The following DCC variants were observed in gnomAD, a reference collection of about 807,000 sequenced individuals.
DCC encodes netrin receptor DCC.
Under a neutral mutation model 172.5 loss-of-function variants are expected in DCC, and 58 were observed. The observed-to-expected ratio is 0.34, with a 90% CI of 0.27 to 0.42. DCC has a LOEUF of 0.42. Among genes scored for constraint, DCC ranks in the 10% least tolerant of loss-of-function variants. DCC has a pLI of 1.00. For missense variants in DCC, 1,740 were observed against 1,791.0 expected (o/e 0.97, Z 0.51); for synonymous variants, 709 against 644.5 (o/e 1.10, Z -1.52).
chr18:53,279,429 T>G (rs897914632), intron 12 of DCC, among the ~76,000 whole-genome samples: 42 of 139,886 alleles, frequency 3.0e-4, no homozygotes, highest in Non-Finnish European at 3.0e-5. Context: ...TTTTCACTCA[T>G]AGGTGGGAAT....
At chr18:53,061,448 C>T (rs2042493635) in intron 5 of DCC, among the ~76,000 whole-genome samples, 1 of 152,058 alleles carries the variant, frequency 6.6e-6, no homozygotes, top group Non-Finnish European at 1.5e-5. Context: ...TTTTGAAAAA[C>T]TCTAATGTAG....
At chr18:52,622,545 G>A (rs994199373) in intron 1 of DCC, among the ~76,000 whole-genome samples, 6 of 152,092 alleles carry the variant, frequency 3.9e-5, no homozygotes, top group African/African-American at 1.4e-4. Flanking sequence ...CAGCCCAGGG[G>A]TTCATTCAGG....
chr18:53,427,854 T>A lies in DCC; in HGVS notation c.3164-7290T>A, dbSNP rs1340718978. On this transcript the variant is annotated intron_variant, in intron 21 of 28. Transcript: ENST00000442544. Reference sequence around the variant, plus strand: ...ATGATATATAATATATATATTTCTTTTTATATATAATATATAAATATATAC... The same window carrying A: ...ATGATATATAATATATATATTTCTTATTATATATAATATATAAATATATAC... Among the ~76,000 whole-genome samples the A allele has an allele frequency of 4.4e-5, 4 of 91,358 alleles. No homozygotes were observed. The East Asian group carries it at 1.3e-3, about 30-fold the overall frequency. The allele number at this position is 91,358 out of a possible 152,430, so 59.9% of individuals were successfully genotyped here.
chr18:53,288,985 G>A (rs2056967091), intron 12 of DCC, among the ~76,000 whole-genome samples: 1 of 152,034 alleles, frequency 6.6e-6, no homozygotes. Context: ...TCTGGATTTG[G>A]CAAATACTAG....
intron 5 of DCC, among the ~76,000 whole-genome samples, chr18:52,959,160 A>G (rs879532897): frequency 3.3e-5 from 5 of 152,108 alleles, no homozygotes; most frequent in African/African-American, 7.2e-5. Context: ...GGAAGAAACT[A>G]TAATTGTAAA....
At chr18:52,382,522 G>C (rs1336496611) in intron 1 of DCC, among the ~76,000 whole-genome samples, 2 of 152,118 alleles carry the variant, frequency 1.3e-5, no homozygotes, top group Non-Finnish European at 2.9e-5. Context: ...GATAAGACTG[G>C]AGTCAGAGAG....
At chr18:52,377,326 C>T (rs1201555347) in intron 1 of DCC, among the ~76,000 whole-genome samples, 3 of 152,138 alleles carry the variant, frequency 2.0e-5, no homozygotes, top group Non-Finnish European at 4.4e-5. Flanking sequence ...TGGTCTTTTT[C>T]TAATGGTGAC....
At chr18:52,393,471 A>G (rs1202282179) in intron 1 of DCC, among the ~76,000 whole-genome samples, 1 of 152,010 alleles carries the variant, frequency 6.6e-6, no homozygotes, top group African/African-American at 2.4e-5. Context: ...TTTAATCTCT[A>G]TATTATTTAT....
intron 7 of DCC, among the ~76,000 whole-genome samples, chr18:53,078,727 T>G (rs144844850): frequency 0.018 from 2,713 of 152,310 alleles, 37 homozygotes; most frequent in Middle Eastern, 0.034. Context: ...TGTTATTTTG[T>G]GTTGACAAAT....
chr18:52,519,915 G>A (rs567317451), intron 1 of DCC, among the ~76,000 whole-genome samples: 3 of 152,170 alleles, frequency 2.0e-5, no homozygotes, highest in Non-Finnish European at 4.4e-5. Context: ...GGAGGACAGG[G>A]AGGAAACTGC....
chr18:52,953,094 T>A (rs569343311), intron 5 of DCC, among the ~76,000 whole-genome samples: 19 of 151,978 alleles, frequency 1.3e-4, no homozygotes, highest in South Asian at 8.3e-4. Flanking sequence ...TTTTATCTGT[T>A]GTGAAGTCAA....
intron 15 of DCC, among the ~76,000 whole-genome samples, chr18:53,384,644 T>C (rs1338266349): frequency 6.6e-6 from 1 of 152,146 alleles, no homozygotes; most frequent in African/African-American, 2.4e-5. Context: ...ATTTCTGAGT[T>C]TTCTGATTTA....
Position 53,203,098 on chromosome 18 carries a change from A to G in DCC, c.1574-2118A>G, listed in dbSNP as rs555482874. Reference sequence around the variant, plus strand: ...ATTAAATTCACTGAAGTTGAGAACTATACTATTCATATACACATTTATTTT... The same window carrying G: ...ATTAAATTCACTGAAGTTGAGAACTGTACTATTCATATACACATTTATTTT... On this transcript the variant is annotated intron_variant, in intron 9 of 28. Transcript: ENST00000442544. Among the ~76,000 whole-genome samples, 84 of 152,140 alleles carry G rather than the reference A, an allele frequency of 5.5e-4. 1 individual carries two copies. The highest frequency in any genetic ancestry group is 5.8e-4 in the East Asian group (3 of 5,188).
chr18:53,207,416 A>C (rs2055670295), intron 10 of DCC, among the ~76,000 whole-genome samples: 1 of 152,190 alleles, frequency 6.6e-6, no homozygotes, highest in African/African-American at 2.4e-5. Flanking sequence ...GAATAACCCA[A>C]ACCATTCAGT....
chr18:53,496,912 A>C (rs998666842), intron 26 of DCC, among the ~76,000 whole-genome samples: 1 of 130,582 alleles, frequency 7.7e-6, no homozygotes, highest in African/African-American at 2.5e-5. Flanking sequence ...CAGAAAAAGT[A>C]GAAAAGGAAA....
At chr18:52,618,784 C>A (rs1038832120) in intron 1 of DCC, among the ~76,000 whole-genome samples, 1 of 152,142 alleles carries the variant, frequency 6.6e-6, no homozygotes, top group Admixed American at 6.6e-5. Flanking sequence ...TTCAGAAGCG[C>A]CCCCAGACTT....
intron 1 of DCC, among the ~76,000 whole-genome samples, chr18:52,588,155 A>G (rs1361529662): frequency 6.6e-6 from 1 of 152,204 alleles, no homozygotes; most frequent in Non-Finnish European, 1.5e-5. Context: ...AACAGAGAGT[A>G]GTTATCTGCA....
chr18:53,470,721 A>AAG (rs148666364), intron 25 of DCC, among the ~76,000 whole-genome samples: 6 of 151,458 alleles, frequency 4.0e-5, no homozygotes, highest in South Asian at 2.1e-4. Context: ...GCCAGCAGGA[A>AAG]AGAGAGAGAG....
intron 1 of DCC, 21 bp from the exon 2 acceptor site, chr18:52,752,033 C>G: frequency 6.2e-7 from 1 of 1,600,484 alleles, no homozygotes; most frequent in Non-Finnish European, 8.6e-7. Flanking sequence ...GAACATATTT[C>G]CCTGTGCTCT....
Sources: allele counts gnomAD v4.1 joint callset (sites outside exome capture counted in the v4.1 genomes callset), GRCh38; gene constraint gnomAD v4.1.1; transcripts MANE v1.5; gene names NCBI Gene and HGNC (gene_info 2026-07-23, HGNC 2026-07-21).